Variants in SCAF4 observed in about 807,000 individuals in gnomAD.
SCAF4 encodes SR-related CTD associated factor 4.
In SCAF4, 25 loss-of-function variants were observed where a neutral mutation model predicts 129.8. That is an observed-to-expected ratio of 0.19 (90% CI 0.14 to 0.27). The LOEUF (loss-of-function observed/expected upper bound fraction) is 0.27. Ranked by LOEUF, SCAF4 falls within the 10% of genes least tolerant of loss-of-function variation. The pLI, the probability that SCAF4 is intolerant of heterozygous loss-of-function variation, is 1.00. For missense variants in SCAF4, 1,246 were observed against 1,457.1 expected (o/e 0.86, Z 2.36); for synonymous variants, 551 against 497.7 (o/e 1.11, Z -1.43).
At chr21:31,695,221 AATATTT>A (rs1752234067) in intron 9 of SCAF4, among the ~76,000 whole-genome samples, 1 of 152,218 alleles carries the variant, frequency 6.6e-6, no homozygotes, top group Non-Finnish European at 1.5e-5. Context: ...TTTAGTTTTA[AATATTT>A]AAAGAAATAC....
intron 1 of SCAF4, among the ~76,000 whole-genome samples, chr21:31,722,349 T>C (rs1205798077): frequency 3.9e-5 from 6 of 152,184 alleles, no homozygotes; most frequent in Admixed American, 3.9e-4. Context: ...TGTACCTATA[T>C]ACATTCCTCT....
Position 31,706,266 on chromosome 21 carries a change from A to G in SCAF4, c.114+8T>C, listed in dbSNP as rs1195465831. On this transcript the variant is annotated splice_region_variant and intron_variant, in intron 2 of 19. Transcript: ENST00000286835. ...AAGATTTCTCAAATTGCTTTATTTTATCATTACCTTAATAGCTTTAATAGC... is the reference window on the plus strand; with the variant it reads ...AAGATTTCTCAAATTGCTTTATTTTGTCATTACCTTAATAGCTTTAATAGC... 1.3e-6 allele frequency: 2 copies of G among 1,530,026 alleles called. No homozygotes were observed. Among genetic ancestry groups the G allele is most frequent in the Admixed American group, 1.9e-5 (1 of 53,594 alleles). The allele number at this position is 1,530,026 out of a possible 1,614,324, so 94.8% of individuals were successfully genotyped here.
At position 31,696,123 on chromosome 21, in the gene SCAF4, A is replaced by G. The variant is rs146644771; in HGVS notation, c.1058T>C (p.Met353Thr). ...GAAAAATGCTTGTACCTGATGGTGC[A>G]TTGGATCCTGTTGTATTCCCATCAT... ...PRMMGIQQDP[M>T]HHQVPLPPNG... The change falls in exon 9 of 20, where the codon ATG becomes ACG. Residue 353 changes from methionine to threonine, a missense_variant. Physicochemically the swap from Met to Thr is moderately conservative, Grantham distance 81 (BLOSUM62 -1). Transcript: ENST00000286835. 1.1e-5 allele frequency: 17 copies of G among 1,610,658 alleles called. No homozygotes were observed. The highest frequency in any genetic ancestry group is 1.7e-5 in the Admixed American group (1 of 59,932).
At chr21:31,681,338 A>G (rs1193153910) in intron 19 of SCAF4, among the ~76,000 whole-genome samples, 1 of 152,224 alleles carries the variant, frequency 6.6e-6, no homozygotes, top group Non-Finnish European at 1.5e-5. Flanking sequence ...CTGGTAACAC[A>G]GTACAGATAG....
At chr21:31,699,372 T>C (rs1455534517) in intron 7 of SCAF4, among the ~76,000 whole-genome samples, 2 of 152,022 alleles carry the variant, frequency 1.3e-5, no homozygotes, top group African/African-American at 2.4e-5. Flanking sequence ...AACAAAAAAC[T>C]AGGAAAACCA....
intron 4 of SCAF4, 49 bp downstream of exon 4, chr21:31,703,716 A>G (rs1362892758): frequency 1.9e-6 from 2 of 1,037,780 alleles, no homozygotes; most frequent in African/African-American, 3.2e-5. Flanking sequence ...ATACATTTAA[A>G]ATAATATTTT....
chr21:31,706,955 G>C (rs776911996), intron 1 of SCAF4: 9 of 307,938 alleles, frequency 2.9e-5, no homozygotes, highest in Non-Finnish European at 5.5e-5. Flanking sequence ...GTAAATGCAA[G>C]ATTTTAGTAG....
chr21:31,700,520 T>C (rs2050499242), intron 7 of SCAF4, among the ~76,000 whole-genome samples: 1 of 151,928 alleles, frequency 6.6e-6, no homozygotes, highest in South Asian at 2.1e-4. Flanking sequence ...ATGCATTCAG[T>C]AAAAATGTAG....
intron 19 of SCAF4, among the ~76,000 whole-genome samples, chr21:31,675,261 T>C (rs957243102): frequency 6.6e-6 from 1 of 152,182 alleles, no homozygotes; most frequent in Non-Finnish European, 1.5e-5. Flanking sequence ...CTTTGACCTC[T>C]AGTGGTGCAG....
chr21:31,714,018 TAG>T (rs1601255634), intron 1 of SCAF4, among the ~76,000 whole-genome samples: 1 of 152,158 alleles, frequency 6.6e-6, no homozygotes, highest in African/African-American at 2.4e-5. Context: ...TGGTCTTCTA[TAG>T]AGAGTGAGAA....
intron 1 of SCAF4, among the ~76,000 whole-genome samples, chr21:31,723,629 T>TGTGTGTGTGTGTGTGTGCGCGCGCGC (rs1271033175): frequency 1.3e-5 from 2 of 149,000 alleles, no homozygotes; most frequent in African/African-American, 4.9e-5. Context: ...TGTGTGTGTG[T>TGTGTGTGTGTGTGTGTGCGCGCGCGC]GCGCGCGCGC....
intron 1 of SCAF4, among the ~76,000 whole-genome samples, chr21:31,716,551 G>A (rs1253406306): frequency 6.6e-6 from 1 of 152,018 alleles, no homozygotes; most frequent in East Asian, 1.9e-4. Flanking sequence ...ATGTTTATTA[G>A]CAACACATAG....
Position 31,713,741 on chromosome 21 carries a change from G to A in SCAF4, c.31-7384C>T, listed in dbSNP as rs184141682. 3.6e-4 allele frequency among the ~76,000 whole-genome samples: 52 copies of A among 143,862 alleles called. No individual in the cohort carries two copies. The East Asian group carries it at 0.011, about 29-fold the overall frequency. 94.4% of individuals were successfully genotyped at this position (143,862 alleles called of 152,430 possible). A position where few individuals can be genotyped will look rare whatever the true frequency, so the allele number is the denominator to read the frequency against. On this transcript the variant is annotated intron_variant, in intron 1 of 19. Transcript: ENST00000286835. ...TTAATAAATTTCTCATGGGCAAACCGGAGCGGGGGTGGGGTGGGGGGGGCA... is the reference window on the plus strand; with the variant it reads ...TTAATAAATTTCTCATGGGCAAACCAGAGCGGGGGTGGGGTGGGGGGGGCA...
chr21:31,724,591 T>C (rs1568868340), intron 1 of SCAF4, among the ~76,000 whole-genome samples: 1 of 152,240 alleles, frequency 6.6e-6, no homozygotes, highest in Non-Finnish European at 1.5e-5. Flanking sequence ...CAAGGTGTAT[T>C]TCAAATGAGA....
chr21:31,704,873 G>T (rs1035990136), intron 3 of SCAF4, among the ~76,000 whole-genome samples: 2 of 152,064 alleles, frequency 1.3e-5, no homozygotes, highest in African/African-American at 4.8e-5. Flanking sequence ...GTATACAAGG[G>T]CCATGGATTA....
At position 31,688,465 on chromosome 21, in the gene SCAF4, CTG is replaced by C. The variant is rs2050182815; in HGVS notation, c.1886-3_1886-2del. ...GGCTTCTTAGGAATTCCTTTCCAAT[CTG>C]TGAGCGTGAAAGAAATTTAACAAGA... is the stretch of plus-strand genomic sequence containing the variant. On this transcript the variant is annotated splice_acceptor_variant and splice_polypyrimidine_tract_variant and intron_variant, in intron 15 of 19. Transcript: ENST00000286835. LOFTEE classifies it high-confidence loss of function. 6.2e-7 allele frequency: 1 copy of C among 1,612,184 alleles called. No individual in the cohort carries two copies. The highest frequency in any genetic ancestry group is 1.3e-5 in the African/African-American group (1 of 74,844).
intron 1 of SCAF4, among the ~76,000 whole-genome samples, chr21:31,722,814 G>A (rs375595063): frequency 8.5e-5 from 13 of 152,068 alleles, no homozygotes; most frequent in Admixed American, 6.5e-4. Flanking sequence ...TTAGCCGGGT[G>A]TGGTGGCACG....
At chr21:31,675,810 G>A (rs1390285481) in intron 19 of SCAF4, among the ~76,000 whole-genome samples, 1 of 152,160 alleles carries the variant, frequency 6.6e-6, no homozygotes, top group African/African-American at 2.4e-5. Flanking sequence ...AGGGGGTGGG[G>A]AGACACCATT....
intron 1 of SCAF4, among the ~76,000 whole-genome samples, chr21:31,723,629 T>TGTGTGTGC (rs1271033175): frequency 1.9e-4 from 28 of 149,074 alleles, no homozygotes; most frequent in South Asian, 8.5e-4. Context: ...TGTGTGTGTG[T>TGTGTGTGC]GCGCGCGCGC....
Sources: allele counts gnomAD v4.1 joint callset (sites outside exome capture counted in the v4.1 genomes callset), GRCh38; gene constraint gnomAD v4.1.1; transcripts MANE v1.5; gene names NCBI Gene and HGNC (gene_info 2026-07-23, HGNC 2026-07-21).